The following CHD9 variants were observed in gnomAD, a reference collection of about 807,000 sequenced individuals.
CHD9 encodes chromodomain helicase DNA binding protein 9, also known as ATP-dependent chromatin remodeler CHD9.
A neutral mutation model predicts 316.1 loss-of-function variants in CHD9; 77 were observed. The ratio of observed to expected loss-of-function variants is 0.24; its 90% CI spans 0.20 to 0.29. The LOEUF is 0.29. Ranked by LOEUF, CHD9 falls within the 10% of genes least tolerant of loss-of-function variation. The probability of loss-of-function intolerance (pLI) is 1.00; values close to 1 mark genes in which losing one functional copy is unlikely to be tolerated. For synonymous variants in CHD9, 1,129 were observed against 1,158.3 expected (o/e 0.97, Z 0.51); for missense variants, 2,763 against 3,438.1 (o/e 0.80, Z 4.91).
intron 1 of CHD9, among the ~76,000 whole-genome samples, chr16:53,138,020 T>C (rs2152699349): frequency 6.6e-6 from 1 of 152,278 alleles, no homozygotes; most frequent in African/African-American, 2.4e-5. Context: ...TGAAATAAGT[T>C]CCTGGGGAAG....
At chr16:53,133,343 G>A (rs577054064) in intron 1 of CHD9, among the ~76,000 whole-genome samples, 14 of 152,176 alleles carry the variant, frequency 9.2e-5, no homozygotes, top group South Asian at 8.3e-4. Context: ...TACTTTAATC[G>A]GGGGCGGCTC....
chr16:53,084,953 G>A (rs1350589380), intron 1 of CHD9, among the ~76,000 whole-genome samples: 1 of 152,144 alleles, frequency 6.6e-6, no homozygotes. Context: ...GCAAACTGGG[G>A]GTGCTCGGGT....
At chr16:53,131,054 A>G (rs1383786578) in intron 1 of CHD9, 1 of 54,752 alleles carries the variant, frequency 1.8e-5, no homozygotes, top group Non-Finnish European at 3.9e-5. Flanking sequence ...CTGGCCGCGC[A>G]GCCGGTAAGT....
intron 1 of CHD9, among the ~76,000 whole-genome samples, chr16:53,103,190 G>GTT (rs71143966): frequency 5.9e-4 from 83 of 140,202 alleles, no homozygotes; most frequent in African/African-American, 1.6e-3. Context: ...GATTTTATTT[G>GTT]TTTTTTTTTT....
chr16:53,271,379 G>A (rs2052244883), intron 22 of CHD9, among the ~76,000 whole-genome samples: 1 of 152,062 alleles, frequency 6.6e-6, no homozygotes, highest in African/African-American at 2.4e-5. Context: ...GACCAGCCTG[G>A]CCAACATGGT....
intron 1 of CHD9, among the ~76,000 whole-genome samples, chr16:53,111,225 C>T (rs886854068): frequency 6.6e-6 from 1 of 152,134 alleles, no homozygotes; most frequent in African/African-American, 2.4e-5. Flanking sequence ...TACAGATTTT[C>T]AGCATGTGCC....
chr16:53,285,887 G>A (rs1252385811), intron 25 of CHD9, among the ~76,000 whole-genome samples, 188 bp downstream of exon 25: 1 of 152,192 alleles, frequency 6.6e-6, no homozygotes, highest in African/African-American at 2.4e-5. Flanking sequence ...GGTGGCATGT[G>A]TAACCTACCC....
In CHD9 at chr16:53,146,301, GAGAATTGC is replaced by G. The variant is rs1250665662; in HGVS notation, c.-164-9624_-164-9617del. On this transcript the variant is annotated intron_variant, in intron 1 of 38. Coordinates refer to ENST00000447540, the MANE Select transcript of CHD9 (RefSeq NM_001308319.2). Reference sequence around the variant, plus strand: ...CCAGCTACTCGGGAGGCTGAGGCAGGAGAATTGCTTGAACCCGGGAGGCAGAGGTTGCA... The same window carrying G: ...CCAGCTACTCGGGAGGCTGAGGCAGGTTGAACCCGGGAGGCAGAGGTTGCA... 2.0e-3 allele frequency among the ~76,000 whole-genome samples: 290 copies of G among 148,504 alleles called. 1 individual carries two copies. Among genetic ancestry groups the G allele is most frequent in the Non-Finnish European group, 3.5e-3 (234 of 67,260 alleles).
rs376618450 is a variant in CHD9, at chr16:53,200,102, G to A, written c.1453-9380G>A. ...AATACAAAAACATGAGGCTGGGCAC[G>A]GTGGCTCATACCTTTAATCCCAGCA... On this transcript the variant is annotated intron_variant, in intron 2 of 38. Transcript: ENST00000447540. Among the ~76,000 whole-genome samples, 618 of 152,148 alleles carry A rather than the reference G, an allele frequency of 4.1e-3. 4 individuals are homozygous for A. The highest frequency in any genetic ancestry group is 0.014 in the African/African-American group (592 of 41,498).
At chr16:53,188,985 T>C (rs963802346) in intron 2 of CHD9, among the ~76,000 whole-genome samples, 3 of 152,134 alleles carry the variant, frequency 2.0e-5, no homozygotes, top group African/African-American at 7.2e-5. Context: ...ATTTATATAT[T>C]TTAGATACAA....
chr16:53,209,939 T>C (rs2046196442), intron 3 of CHD9, 126 bp downstream of exon 3: 5 of 669,066 alleles, frequency 7.5e-6, no homozygotes, highest in Non-Finnish European at 1.3e-5. Context: ...TTGGCTACTA[T>C]GTGTGCTTTA....
intron 18 of CHD9, 31 bp from the exon 19 acceptor site, chr16:53,255,569 A>AG (rs1567569805): frequency 6.3e-7 from 1 of 1,588,044 alleles, no homozygotes; most frequent in South Asian, 1.1e-5. Flanking sequence ...TTTAAAAAAA[A>AG]CTATTTTTAT....
At chr16:53,246,369 T>C (rs1354841768) in intron 15 of CHD9, among the ~76,000 whole-genome samples, 2 of 152,206 alleles carry the variant, frequency 1.3e-5, no homozygotes, top group East Asian at 1.9e-4. Context: ...CTCTTATGGC[T>C]AGACAGGCTG....
chr16:53,242,653 A>G (rs1787150668), intron 12 of CHD9, among the ~76,000 whole-genome samples, 187 bp from the exon 13 acceptor site: 1 of 152,202 alleles, frequency 6.6e-6, no homozygotes, highest in South Asian at 2.1e-4. Context: ...AATGTTTAAC[A>G]AGATTATTGA....
chr16:53,154,869 C>A (rs1318805249), intron 1 of CHD9, among the ~76,000 whole-genome samples: 1 of 152,154 alleles, frequency 6.6e-6, no homozygotes, highest in Non-Finnish European at 1.5e-5. Context: ...CAGTAAAAAT[C>A]ATTTCAGTAA....
At chr16:53,171,049 A>G (rs545661159) in intron 2 of CHD9, among the ~76,000 whole-genome samples, 58 of 152,316 alleles carry the variant, frequency 3.8e-4, no homozygotes, top group African/African-American at 1.4e-3. Flanking sequence ...TTGTTGATAG[A>G]TACTAAAATA....
intron 22 of CHD9, among the ~76,000 whole-genome samples, chr16:53,271,179 C>T (rs1223506091): frequency 6.6e-6 from 1 of 151,738 alleles, no homozygotes; most frequent in Non-Finnish European, 1.5e-5. Context: ...CTTCAGTCTC[C>T]CTATCACCTT....
rs570534789 is a variant in CHD9, at chr16:53,120,403, C to T, written c.-164-35523C>T. Among the ~76,000 whole-genome samples the T allele has an allele frequency of 3.0e-4, 46 of 151,564 alleles. No individual in the cohort carries two copies. In the East Asian group the frequency reaches 8.1e-3, roughly 27 times the overall value. On this transcript the variant is annotated intron_variant, in intron 1 of 38. Transcript: ENST00000447540. ...CTGAGGCAGGCGGATCACCTGAGGT[C>T]GGGAGTTTGAGACCAGCTTGATCAA...
Position 53,255,793 on chromosome 16 carries a change from C to CA in CHD9, c.4209+16dup, listed in dbSNP as rs1451115103. ...ACATTTGCCAAGGTAATAGTGGGTG[C>CA]AATTTTATTAACATAGCAGTGATGT... On this transcript the variant is annotated intron_variant, in intron 19 of 38. Transcript: ENST00000447540. 3.1e-6 allele frequency: 5 copies of CA among 1,609,992 alleles called. No homozygotes were observed.
Sources: allele counts gnomAD v4.1 joint callset (sites outside exome capture counted in the v4.1 genomes callset), GRCh38; gene constraint gnomAD v4.1.1; transcripts MANE v1.5; gene names NCBI Gene and HGNC (gene_info 2026-07-23, HGNC 2026-07-21).